Variants in ZC3H18 observed in about 807,000 individuals in gnomAD.
ZC3H18 encodes zinc finger CCCH-type containing 18.
A neutral mutation model predicts 106.1 loss-of-function variants in ZC3H18; 8 were observed. That is an observed-to-expected ratio of 0.08 (90% CI 0.04 to 0.14). ZC3H18 has a LOEUF of 0.14. Among genes scored for constraint, ZC3H18 ranks in the 10% least tolerant of loss-of-function variants. The pLI is 1.00. For synonymous variants in ZC3H18, 635 were observed against 522.1 expected, an observed-to-expected ratio of 1.22 and a Z score of -2.95; for missense variants, 1,318 against 1,278.4, an observed-to-expected ratio of 1.03 and a Z score of -0.47.
intron 3 of ZC3H18, among the ~76,000 whole-genome samples, chr16:88,593,636 T>G (rs1904309271): frequency 6.6e-6 from 1 of 152,178 alleles, no homozygotes; most frequent in South Asian, 2.1e-4. Flanking sequence ...GGGCAGCACG[T>G]GCAAGGCTGG....
rs777082268 is a variant in ZC3H18 at position 88,631,236 on chromosome 16, A to G, written c.2799A>G (p.Lys933=). 1.2e-6 allele frequency: 2 copies of G among 1,612,884 alleles called. No individual in the cohort carries two copies. The highest frequency in any genetic ancestry group is 1.7e-6 in the Non-Finnish European group (2 of 1,179,664). Residue 933 remains lysine, a synonymous_variant, in exon 18 of 18, where the codon AAA becomes AAG. Transcript: ENST00000301011. The part of the protein sequence containing the change: ...STLSRREELL[K]QLKAVEDAIA... ...TGTCTCGGCGGGAGGAGCTGCTGAA[A>G]CAGCTGAAGGCCGTGGAGGATGCTA...
chr16:88,626,519 G>GT (rs1906319100), intron 13 of ZC3H18: 1 of 151,944 alleles, frequency 6.6e-6, no homozygotes, highest in Admixed American at 6.6e-5. Context: ...TGTTTCTTTT[G>GT]TTTGTTTTGT....
chr16:88,602,414 G>A (rs532422729), intron 6 of ZC3H18, among the ~76,000 whole-genome samples: 4 of 152,204 alleles, frequency 2.6e-5, no homozygotes, highest in Non-Finnish European at 5.9e-5. Flanking sequence ...AGTGCAACCT[G>A]GATTGATAGC....
At chr16:88,570,712 C>G (rs1386523706) in intron 1 of ZC3H18, 146 bp downstream of exon 1, 1 of 151,546 alleles carries the variant, frequency 6.6e-6, no homozygotes, top group Non-Finnish European at 1.5e-5. Flanking sequence ...CGAAGCGTGG[C>G]CCTCGGGCCC....
intron 6 of ZC3H18, 97 bp from the exon 7 acceptor site, chr16:88,608,837 G>T (rs938703680): frequency 9.7e-7 from 1 of 1,031,792 alleles, no homozygotes; most frequent in African/African-American, 1.6e-5. Flanking sequence ...ACCCCACTGC[G>T]TCACGGTCTG....
chr16:88,591,774 C>T (rs748112605), intron 3 of ZC3H18, among the ~76,000 whole-genome samples: 3 of 152,220 alleles, frequency 2.0e-5, no homozygotes, highest in African/African-American at 4.8e-5. Flanking sequence ...TTGCTGATGA[C>T]CTGGTGGTTG....
At chr16:88,620,932 C>T (rs1304794164) in intron 8 of ZC3H18, among the ~76,000 whole-genome samples, 1 of 152,250 alleles carries the variant, frequency 6.6e-6, no homozygotes, top group Non-Finnish European at 1.5e-5. Flanking sequence ...GTGGCGCAGT[C>T]TCAGCTCACT....
chr16:88,612,296 A>G (rs1905315670), intron 8 of ZC3H18, among the ~76,000 whole-genome samples: 1 of 152,088 alleles, frequency 6.6e-6, no homozygotes, highest in Admixed American at 6.5e-5. Flanking sequence ...TACCCATTTA[A>G]AGTGTACAAT....
At position 88,600,036 on chromosome 16, in the gene ZC3H18, G is replaced by A. The variant is rs542995082; in HGVS notation, c.1088+88G>A. 10 of 1,508,118 alleles carry A rather than the reference G, an allele frequency of 6.6e-6. No individual in the cohort carries two copies. In the East Asian group the frequency reaches 2.1e-4, roughly 31 times the overall value. The allele number at this position is 1,508,118 out of a possible 1,614,324, so 93.4% of individuals were successfully genotyped here. ...GCAGCCATGTGCAGGGCCCCAGGGT[G>A]CGCTCGGCTGAGACCCAGCCCCACT... is the stretch of plus-strand genomic sequence containing the variant. On this transcript the variant is annotated intron_variant, in intron 6 of 17. Coordinates refer to ENST00000301011, the MANE Select transcript of ZC3H18 (RefSeq NM_144604.4).
chr16:88,589,648 A>G (rs1295573903), intron 3 of ZC3H18, among the ~76,000 whole-genome samples: 1 of 151,928 alleles, frequency 6.6e-6, no homozygotes, highest in African/African-American at 2.4e-5. Context: ...AGAAGGGAGC[A>G]CGGAAGGCCA....
At chr16:88,612,742 T>C (rs1905342456) in intron 8 of ZC3H18, among the ~76,000 whole-genome samples, 1 of 151,992 alleles carries the variant, frequency 6.6e-6, no homozygotes, top group South Asian at 2.1e-4. Context: ...TGGCTCACTC[T>C]TGTAATCTCA....
chr16:88,612,014 A>G (rs990042512), intron 8 of ZC3H18, among the ~76,000 whole-genome samples: 1 of 149,200 alleles, frequency 6.7e-6, no homozygotes, highest in Non-Finnish European at 1.5e-5. Flanking sequence ...AGCAGCCAGC[A>G]TGCAGGGGAG....
At chr16:88,613,350 T>A (rs1388809557) in intron 8 of ZC3H18, among the ~76,000 whole-genome samples, 3 of 152,236 alleles carry the variant, frequency 2.0e-5, no homozygotes, top group Non-Finnish European at 4.4e-5. Context: ...CCATTTTTCT[T>A]GAGCATATAC....
At chr16:88,626,391 A>T (rs1229947162) in intron 13 of ZC3H18, 1 of 152,222 alleles carries the variant, frequency 6.6e-6, no homozygotes, top group Non-Finnish European at 1.5e-5. Flanking sequence ...AAACAAAAAA[A>T]AAGGATTTTT....
intron 10 of ZC3H18, 148 bp downstream of exon 10, chr16:88,623,492 C>A: frequency 9.4e-7 from 1 of 1,061,472 alleles, no homozygotes; most frequent in Non-Finnish European, 1.3e-6. Context: ...GGGGTCGTGT[C>A]CTGTGTCCCC....
In ZC3H18 at chr16:88,624,735, C is replaced by A. The variant is rs746746170; in HGVS notation, c.2032C>A (p.Pro678Thr). 11 of 1,612,252 alleles carry A rather than the reference C, an allele frequency of 6.8e-6. No homozygotes were observed. The highest frequency in any genetic ancestry group is 2.2e-5 in the East Asian group (1 of 44,848). Residue 678 changes from proline (P) to threonine (T), a missense_variant, in exon 12 of 18, where the codon CCC becomes ACC. By Grantham distance (38) the Pro-to-Thr change is conservative (BLOSUM62 -1). Transcript: ENST00000301011. Reference sequence around the variant, plus strand: ...GAGGAAGGAGCGGCCAGCCAGGACCCCCCCCAGGAGGTGAGCACTCCGGCG... The same window carrying A: ...GAGGAAGGAGCGGCCAGCCAGGACCACCCCCAGGAGGTGAGCACTCCGGCG... ...ARRKERPART[P>T]PRRRTLSGSG...
chr16:88,592,463 C>A (rs530066980), intron 3 of ZC3H18, among the ~76,000 whole-genome samples: 61 of 152,104 alleles, frequency 4.0e-4, no homozygotes, highest in Non-Finnish European at 7.1e-4. Flanking sequence ...ATTTATTTTT[C>A]TTTTTCTTTC....
intron 8 of ZC3H18, among the ~76,000 whole-genome samples, chr16:88,617,257 T>G (rs192451782): frequency 3.2e-4 from 46 of 142,736 alleles, no homozygotes; most frequent in African/African-American, 1.2e-3. Context: ...TCCCCATCGG[T>G]ATCTCTGGCA....
At chr16:88,593,542 T>C (rs760110887) in intron 3 of ZC3H18, among the ~76,000 whole-genome samples, 1 of 152,230 alleles carries the variant, frequency 6.6e-6, no homozygotes, top group African/African-American at 2.4e-5. Flanking sequence ...AAAGCAGAGC[T>C]TCTGTGTGTG....
Sources: gnomAD v4.1 joint callset for allele counts (sites outside exome capture counted in the v4.1 genomes callset) on GRCh38, gnomAD v4.1.1 for gene constraint, MANE v1.5 for transcripts, NCBI Gene and HGNC (gene_info 2026-07-23, HGNC 2026-07-21) for gene names.